The following TBX5 variants were observed in gnomAD, a reference collection of about 807,000 sequenced individuals.
The protein encoded by TBX5 is T-box transcription factor TBX5.
In TBX5, 8 loss-of-function variants were observed where a neutral mutation model predicts 51.1. The ratio of observed to expected loss-of-function variants is 0.16; its 90% CI spans 0.09 to 0.28. The LOEUF (loss-of-function observed/expected upper bound fraction) is 0.28, where lower values mean the gene tolerates loss of function less well. Ranked by LOEUF, TBX5 falls within the 10% of genes least tolerant of loss-of-function variation. The pLI, the probability that TBX5 is intolerant of heterozygous loss-of-function variation, is 1.00. For synonymous variants in TBX5, 302 were observed against 266.4 expected, an observed-to-expected ratio of 1.13 and a Z score of -1.30; for missense variants, 589 against 671.7, an observed-to-expected ratio of 0.88 and a Z score of 1.36.
At chr12:114,383,226 A>G (rs1870611728) in intron 7 of TBX5, among the ~76,000 whole-genome samples, 1 of 152,070 alleles carries the variant, frequency 6.6e-6, no homozygotes, top group South Asian at 2.1e-4. Flanking sequence ...CACACAGTCT[A>G]TGGCCAGGGA....
chr12:114,379,341 A>G (rs749309805), intron 7 of TBX5, among the ~76,000 whole-genome samples: 2 of 152,198 alleles, frequency 1.3e-5, no homozygotes, highest in African/African-American at 2.4e-5. Flanking sequence ...TTGCAACTGT[A>G]GGGAACTTGG....
At chr12:114,379,743 G>T (rs547998582) in intron 7 of TBX5, among the ~76,000 whole-genome samples, 1 of 152,204 alleles carries the variant, frequency 6.6e-6, no homozygotes, top group Non-Finnish European at 1.5e-5. Context: ...TTCCATCCAT[G>T]GACCCTGGTC....
chr12:114,372,057 C>T (rs190929802), intron 7 of TBX5, among the ~76,000 whole-genome samples: 103 of 152,178 alleles, frequency 6.8e-4, no homozygotes, highest in African/African-American at 2.3e-3. Flanking sequence ...ACAACCTGGG[C>T]GTGGACATAG....
chr12:114,398,858 C>A, intron 4 of TBX5, 138 bp from the exon 5 acceptor site: 1 of 1,100,804 alleles, frequency 9.1e-7, no homozygotes, highest in South Asian at 1.4e-5. Context: ...TCTCCCGTCT[C>A]CCTTAGGTAT....
At chr12:114,404,687 G>A (rs553011696) in intron 1 of TBX5, among the ~76,000 whole-genome samples, 1 of 152,112 alleles carries the variant, frequency 6.6e-6, no homozygotes, top group Non-Finnish European at 1.5e-5. Context: ...CAGCCGTTCC[G>A]AGGAAGGCTC....
intron 6 of TBX5, among the ~76,000 whole-genome samples, chr12:114,386,374 A>T (rs1376078598): frequency 6.6e-6 from 1 of 152,212 alleles, no homozygotes; most frequent in Non-Finnish European, 1.5e-5. Context: ...AACCATACGG[A>T]GTTTGCCAGA....
At chr12:114,364,677 A>G (rs751632061) in intron 8 of TBX5, among the ~76,000 whole-genome samples, 1 of 152,204 alleles carries the variant, frequency 6.6e-6, no homozygotes, top group Non-Finnish European at 1.5e-5. Flanking sequence ...TCCAAAGACA[A>G]GAGGCAGATT....
chr12:114,384,959 A>G (rs975896021), intron 7 of TBX5, among the ~76,000 whole-genome samples: 8 of 152,332 alleles, frequency 5.3e-5, no homozygotes, highest in Middle Eastern at 6.8e-3. Context: ...CTATGACCAC[A>G]GGATATGTAA....
Position 114,394,841 on chromosome 12 carries a change from G to C in TBX5, c.563C>G (p.Ala188Gly). The C allele has an allele frequency of 6.2e-7, 1 of 1,613,988 alleles. No individual in the cohort carries two copies. The highest frequency in any genetic ancestry group is 8.5e-7 in the Non-Finnish European group (1 of 1,179,990). ...TGAGCCAAATCCATTATTTTCATCC[G>C]CTTTCACGATGTGTAATCTAGGCTG... ...KYQPRLHIVK[A>G]DENNGFGSKN... Residue 188 changes from alanine to glycine, a missense_variant, in exon 6 of 9, where the codon GCG (alanine) becomes GGG (glycine). Transcript: ENST00000405440.
intron 7 of TBX5, among the ~76,000 whole-genome samples, chr12:114,371,218 T>A (rs182182000): frequency 5.5e-4 from 83 of 152,278 alleles, no homozygotes; most frequent in African/African-American, 1.9e-3. Flanking sequence ...CTCTGCTGTA[T>A]CAAGCAGCTA....
intron 5 of TBX5, 69 bp from the exon 6 acceptor site, chr12:114,394,962 C>G (rs937511546): frequency 2.6e-5 from 40 of 1,517,776 alleles, no homozygotes; most frequent in Non-Finnish European, 3.5e-5. Context: ...TAAAACCCTG[C>G]TCCCCGCCCT....
At chr12:114,383,160 G>A (rs946859908) in intron 7 of TBX5, among the ~76,000 whole-genome samples, 1 of 152,106 alleles carries the variant, frequency 6.6e-6, no homozygotes, top group African/African-American at 2.4e-5. Flanking sequence ...GAGGGCAACT[G>A]GTAAAGTTTG....
chr12:114,367,405 A>G (rs1455917190), intron 7 of TBX5, among the ~76,000 whole-genome samples: 1 of 152,150 alleles, frequency 6.6e-6, no homozygotes, highest in Non-Finnish European at 1.5e-5. Flanking sequence ...AGTAAGCATA[A>G]TAAAAATTCC....
intron 6 of TBX5, among the ~76,000 whole-genome samples, chr12:114,392,563 C>A (rs1895609): frequency 0.59 from 88,909 of 151,956 alleles, 26,615 homozygotes; most frequent in Admixed American, 0.72. Flanking sequence ...TTTTTTAAGC[C>A]GGTCACTTTT....
intron 5 of TBX5, among the ~76,000 whole-genome samples, chr12:114,395,504 AAG>A (rs1303965552): frequency 6.6e-6 from 1 of 152,148 alleles, no homozygotes; most frequent in African/African-American, 2.4e-5. Flanking sequence ...AGTTCGTGAA[AAG>A]AGAAGATATT....
chr12:114,403,913 C>T lies in TBX5; in HGVS notation c.-15G>A, dbSNP rs756902625. On this transcript the variant is annotated 5_prime_UTR_variant, in exon 2 of 9. Transcript: ENST00000405440. ...GCGTCGGCCATGGTGCGCCCAGGGC[C>T]CTGTGCCCGCGCAAGGTTCTGCTCT... 1.9e-6 allele frequency: 3 copies of T among 1,609,342 alleles called. No homozygotes were observed. Among genetic ancestry groups the T allele is most frequent in the Non-Finnish European group, 2.5e-6 (3 of 1,179,650 alleles).
intron 2 of TBX5, among the ~76,000 whole-genome samples, chr12:114,403,274 C>CGG (rs1565943010): frequency 6.6e-6 from 1 of 152,040 alleles, no homozygotes; most frequent in Non-Finnish European, 1.5e-5. Context: ...GCGGAGGAGG[C>CGG]AGGAGGAGGC....
chr12:114,355,414 G>A lies in TBX5; in HGVS notation c.*118C>T. ...ACCTTGAGTGCAGATGTGAACATTG[G>A]GTGAAATGAAAAATCTTGTCCGTGG... On this transcript the variant is annotated 3_prime_UTR_variant, in exon 9 of 9. Transcript: ENST00000405440. 2 of 1,297,458 alleles carry A rather than the reference G, an allele frequency of 1.5e-6. No individual in the cohort carries two copies. Among genetic ancestry groups the A allele is most frequent in the Non-Finnish European group, 2.2e-6 (2 of 922,228 alleles). 80.4% of individuals were successfully genotyped at this position (1,297,458 alleles called of 1,614,324 possible).
At chr12:114,395,838 G>A (rs1160927631) in intron 5 of TBX5, among the ~76,000 whole-genome samples, 34 of 152,136 alleles carry the variant, frequency 2.2e-4, no homozygotes, top group Non-Finnish European at 1.3e-4. Context: ...AAGAGGAGGA[G>A]GAGGAGGACT....
Sources: gnomAD v4.1 joint callset for allele counts (sites outside exome capture counted in the v4.1 genomes callset) on GRCh38, gnomAD v4.1.1 for gene constraint, MANE v1.5 for transcripts, NCBI Gene and HGNC (gene_info 2026-07-23, HGNC 2026-07-21) for gene names.